The following FZD3 variants were observed in gnomAD, a reference collection of about 807,000 sequenced individuals.
FZD3 encodes frizzled-3.
Under a neutral mutation model 60.7 loss-of-function variants are expected in FZD3, and 30 were observed. The ratio of observed to expected loss-of-function variants is 0.49; its 90% CI spans 0.37 to 0.67. The LOEUF (loss-of-function observed/expected upper bound fraction) is 0.67, where lower values mean the gene tolerates loss of function less well. FZD3 is among the 30% of genes least tolerant of loss of function. The pLI, the probability that FZD3 is intolerant of heterozygous loss-of-function variation, is 0.00. For missense variants in FZD3, 605 were observed against 838.7 expected, an observed-to-expected ratio of 0.72 and a Z score of 3.44; for synonymous variants, 246 against 275.2, an observed-to-expected ratio of 0.89 and a Z score of 1.05.
intron 3 of FZD3, among the ~76,000 whole-genome samples, chr8:28,515,555 A>G (rs1052287475): frequency 1.3e-5 from 2 of 152,120 alleles, no homozygotes; most frequent in Non-Finnish European, 2.9e-5. Context: ...AGCACTTGGG[A>G]AGGGGCTGCA....
intron 4 of FZD3, among the ~76,000 whole-genome samples, chr8:28,525,158 A>G (rs1804684105): frequency 6.6e-6 from 1 of 152,182 alleles, no homozygotes; most frequent in African/African-American, 2.4e-5. Flanking sequence ...CTCAACATTC[A>G]TTAGTTCAAC....
Position 28,574,051 on chromosome 8 carries a change from G to C in FZD3, c.*11040G>C, listed in dbSNP as rs1290190445. 6.6e-6 allele frequency: 1 copy of C among 152,154 alleles called. No individual in the cohort carries two copies. Among genetic ancestry groups the C allele is most frequent in the Non-Finnish European group, 1.5e-5 (1 of 68,008 alleles). 9.4% of individuals were successfully genotyped at this position (152,154 alleles called of 1,614,324 possible). A position where few individuals can be genotyped will look rare whatever the true frequency, so the allele number is the denominator to read the frequency against. ...GGGATGTACAGGGCAAGTGCACTTG[G>C]TTAGAGCATGAACTGGGAATTTCAC... On this transcript the variant is annotated 3_prime_UTR_variant, in exon 8 of 8. Transcript: ENST00000240093.
intron 1 of FZD3, among the ~76,000 whole-genome samples, chr8:28,498,952 T>G (rs1337548403): frequency 3.3e-5 from 5 of 152,264 alleles, no homozygotes; most frequent in Non-Finnish European, 7.3e-5. Context: ...GAAAATCAGA[T>G]TTTGACTCTT....
intron 5 of FZD3, among the ~76,000 whole-genome samples, chr8:28,540,792 A>G (rs1805145588): frequency 6.6e-6 from 1 of 152,072 alleles, no homozygotes; most frequent in African/African-American, 2.4e-5. Context: ...TAAAAATACA[A>G]AAATTAGCTG....
intron 3 of FZD3, among the ~76,000 whole-genome samples, chr8:28,516,295 A>G (rs1262610090): frequency 1.3e-5 from 2 of 152,162 alleles, no homozygotes; most frequent in African/African-American, 2.4e-5. Flanking sequence ...TTTGATTCCT[A>G]TAATAGCTTT....
rs896400434 is a variant in FZD3, at chr8:28,567,774, G to C, written c.*4763G>C. 1 of 152,122 alleles carries C rather than the reference G, an allele frequency of 6.6e-6. No homozygotes were observed. The highest frequency in any genetic ancestry group is 6.5e-5 in the Admixed American group (1 of 15,280). The allele number at this position is 152,122 out of a possible 1,614,324, so 9.4% of individuals were successfully genotyped here. ...TTAAATTGTATTGGTTCTTTAATAT[G>C]TGTTATACCAGAGTATGCCTCAAAT... On this transcript the variant is annotated 3_prime_UTR_variant, in exon 8 of 8. Transcript: ENST00000240093.
intron 4 of FZD3, among the ~76,000 whole-genome samples, chr8:28,522,499 G>T (rs1420529703): frequency 1.3e-5 from 2 of 152,026 alleles, no homozygotes; most frequent in Non-Finnish European, 2.9e-5. Flanking sequence ...CCAGACACCT[G>T]GAAGTGTTTC....
intron 4 of FZD3, among the ~76,000 whole-genome samples, chr8:28,526,341 G>A (rs1228096554): frequency 6.6e-6 from 1 of 152,156 alleles, no homozygotes; most frequent in Non-Finnish European, 1.5e-5. Flanking sequence ...TTACTAGAAT[G>A]CTGATTGGCT....
At chr8:28,556,258 A>G (rs1359542030) in intron 7 of FZD3, among the ~76,000 whole-genome samples, 1 of 152,170 alleles carries the variant, frequency 6.6e-6, no homozygotes, top group Non-Finnish European at 1.5e-5. Context: ...TGGAACACCT[A>G]CTACATCTAG....
At chr8:28,555,668 C>A in intron 6 of FZD3, 70 bp from the exon 7 acceptor site, 1 of 848,708 alleles carries the variant, frequency 1.2e-6, no homozygotes, top group Non-Finnish European at 2.0e-6. Flanking sequence ...ATCAGTGTTT[C>A]AGAGAAGTAT....
intron 3 of FZD3, among the ~76,000 whole-genome samples, chr8:28,511,441 C>T (rs954404723): frequency 2.6e-5 from 4 of 152,154 alleles, no homozygotes; most frequent in Non-Finnish European, 5.9e-5. Flanking sequence ...GCCGTGATTG[C>T]GCCTCTGTAC....
At chr8:28,512,816 GAC>G (rs1375415972) in intron 3 of FZD3, among the ~76,000 whole-genome samples, 1 of 152,074 alleles carries the variant, frequency 6.6e-6, no homozygotes, top group African/African-American at 2.4e-5. Flanking sequence ...AACTTTGAAA[GAC>G]AAATTTTTTT....
intron 5 of FZD3, among the ~76,000 whole-genome samples, chr8:28,540,066 G>C (rs766753623): frequency 7.2e-5 from 11 of 152,154 alleles, no homozygotes; most frequent in Non-Finnish European, 1.5e-4. Flanking sequence ...AGCAGTGTTA[G>C]TGGAGATCAG....
chr8:28,509,056 A>G (rs929556435), intron 3 of FZD3, among the ~76,000 whole-genome samples: 4 of 152,224 alleles, frequency 2.6e-5, no homozygotes, highest in African/African-American at 9.6e-5. Flanking sequence ...AAGGATGTAC[A>G]ATCAAATTAT....
chr8:28,542,249 G>A (rs1474104244), intron 5 of FZD3, among the ~76,000 whole-genome samples: 1 of 152,080 alleles, frequency 6.6e-6, no homozygotes, highest in Admixed American at 6.6e-5. Context: ...CAGCAAACTT[G>A]TTCTGTCAGG....
At chr8:28,547,844 G>A (rs888694778) in intron 5 of FZD3, among the ~76,000 whole-genome samples, 2 of 150,822 alleles carry the variant, frequency 1.3e-5, no homozygotes, top group Admixed American at 6.6e-5. Flanking sequence ...ATTTTATGTA[G>A]CACAGTTGTC....
At chr8:28,530,087 A>C (rs1459874881) in intron 5 of FZD3, among the ~76,000 whole-genome samples, 1 of 127,104 alleles carries the variant, frequency 7.9e-6, no homozygotes, top group Non-Finnish European at 1.7e-5. Context: ...ACTGAAATAT[A>C]TCTGTGTGTG....
intron 6 of FZD3, among the ~76,000 whole-genome samples, chr8:28,553,729 G>A (rs531307697): frequency 3.1e-4 from 47 of 152,286 alleles, no homozygotes; most frequent in African/African-American, 1.1e-3. Context: ...GGCTGGAGTG[G>A]CAGCCCCTTA....
chr8:28,540,994 T>A (rs1208542277), intron 5 of FZD3, among the ~76,000 whole-genome samples: 2 of 152,186 alleles, frequency 1.3e-5, no homozygotes, highest in Admixed American at 1.3e-4. Flanking sequence ...AAATAAAAAC[T>A]AAACACTGTA....
Sources: allele counts gnomAD v4.1 joint callset (sites outside exome capture counted in the v4.1 genomes callset), GRCh38; gene constraint gnomAD v4.1.1; transcripts MANE v1.5; gene names NCBI Gene and HGNC (gene_info 2026-07-23, HGNC 2026-07-21).